Variants in KCNIP4 observed in about 807,000 individuals in gnomAD.
The protein encoded by KCNIP4 is Kv channel-interacting protein 4.
Under a neutral mutation model 34.0 loss-of-function variants are expected in KCNIP4, and 12 were observed. The ratio of observed to expected loss-of-function variants is 0.35; its 90% CI spans 0.23 to 0.57. The LOEUF is 0.57. Among genes scored for constraint, KCNIP4 ranks in the 20% least tolerant of loss-of-function variants. The probability of loss-of-function intolerance (pLI) is 0.83; values close to 1 mark genes in which losing one functional copy is unlikely to be tolerated. For missense variants in KCNIP4, 238 were observed against 311.7 expected (o/e 0.76, Z 1.78); for synonymous variants, 124 against 102.2 (o/e 1.21, Z -1.29).
At chr4:21,656,518 C>T (rs1747951821) in intron 1 of KCNIP4, 1 of 152,086 alleles carries the variant, frequency 6.6e-6, no homozygotes, top group South Asian at 2.1e-4. Context: ...GCAGTTAGTT[C>T]TCATTGAAAT....
chr4:21,618,360 T>C (rs932361792), intron 1 of KCNIP4, among the ~76,000 whole-genome samples: 3 of 152,062 alleles, frequency 2.0e-5, no homozygotes, highest in African/African-American at 7.2e-5. Context: ...GTATATAAAA[T>C]TGATAATAAG....
chr4:21,568,845 A>G (rs571906139), intron 1 of KCNIP4, among the ~76,000 whole-genome samples: 2 of 152,230 alleles, frequency 1.3e-5, no homozygotes, highest in Admixed American at 1.3e-4. Context: ...CAATTCTAAT[A>G]AAATCCTCTT....
In KCNIP4 at chr4:21,558,493, A is replaced by AAAATAAATAAATAAAT. The variant is rs138894931; in HGVS notation, c.61+390062_61+390077dup. ...GGCGGCAGAGTGAGATTCTGTCTCA[A>AAAATAAATAAATAAAT]AAATAAATAAATAAATAAATATATA... is the stretch of plus-strand genomic sequence containing the variant. On this transcript the variant is annotated intron_variant, in intron 1 of 8. Coordinates refer to ENST00000382152, the MANE Select transcript of KCNIP4 (RefSeq NM_025221.6). 8.0e-3 allele frequency among the ~76,000 whole-genome samples: 1,195 copies of AAAATAAATAAATAAAT among 149,090 alleles called. 34 individuals are homozygous for AAAATAAATAAATAAAT. The East Asian group carries it at 0.09, about 11-fold the overall frequency.
intron 1 of KCNIP4, among the ~76,000 whole-genome samples, chr4:21,136,533 T>A (rs16870439): frequency 0.047 from 7,230 of 152,306 alleles, 255 homozygotes; most frequent in East Asian, 0.14. Flanking sequence ...AACTGATTGC[T>A]AGAGGTAGAA....
intron 1 of KCNIP4, among the ~76,000 whole-genome samples, chr4:21,725,185 A>G (rs1295097756): frequency 2.0e-5 from 3 of 152,178 alleles, no homozygotes; most frequent in African/African-American, 7.2e-5. Flanking sequence ...ATTCTTCATC[A>G]AAACACAAAT....
chr4:21,533,305 C>T (rs993005458), intron 1 of KCNIP4, among the ~76,000 whole-genome samples: 3 of 152,002 alleles, frequency 2.0e-5, no homozygotes, highest in African/African-American at 7.3e-5. Flanking sequence ...GCTATTCCTG[C>T]TCTGTTTGCT....
chr4:21,725,621 G>T (rs1413675132), intron 1 of KCNIP4, among the ~76,000 whole-genome samples: 1 of 152,062 alleles, frequency 6.6e-6, no homozygotes, highest in African/African-American at 2.4e-5. Context: ...TGAAGCAAAT[G>T]ACCTTATTAT....
intron 1 of KCNIP4, among the ~76,000 whole-genome samples, chr4:21,768,896 A>G (rs13135188): frequency 0.092 from 13,978 of 152,156 alleles, 671 homozygotes; most frequent in Middle Eastern, 0.18. Flanking sequence ...TGGATACATT[A>G]CATGTAATCA....
chr4:20,797,369 C>G (rs939807560), intron 3 of KCNIP4, among the ~76,000 whole-genome samples: 13 of 152,084 alleles, frequency 8.5e-5, no homozygotes, highest in African/African-American at 2.9e-4. Context: ...AATAGTACAC[C>G]CTTGAGTCTA....
intron 1 of KCNIP4, among the ~76,000 whole-genome samples, chr4:21,670,981 T>C (rs559340513): frequency 6.6e-6 from 1 of 151,678 alleles, no homozygotes; most frequent in Non-Finnish European, 1.5e-5. Flanking sequence ...TTTTTTTAAA[T>C]TAATAACTTG....
At chr4:21,201,696 C>A (rs968577539) in intron 1 of KCNIP4, among the ~76,000 whole-genome samples, 1 of 152,158 alleles carries the variant, frequency 6.6e-6, no homozygotes, top group Admixed American at 6.5e-5. Context: ...GACAGGGTTT[C>A]ACCATGTTAG....
At chr4:21,059,793 C>A (rs865837244) in intron 1 of KCNIP4, among the ~76,000 whole-genome samples, 65 of 152,148 alleles carry the variant, frequency 4.3e-4, no homozygotes, top group African/African-American at 1.4e-3. Context: ...CTTTTCATTT[C>A]ATTCATTTAT....
intron 1 of KCNIP4, among the ~76,000 whole-genome samples, chr4:21,384,014 C>T (rs1721781614): frequency 1.3e-5 from 2 of 152,140 alleles, no homozygotes; most frequent in South Asian, 4.1e-4. Flanking sequence ...ACATGGGCTT[C>T]TTGCAGGGCC....
chr4:21,567,510 CA>C (rs1310471970), intron 1 of KCNIP4, among the ~76,000 whole-genome samples: 1 of 151,884 alleles, frequency 6.6e-6, no homozygotes, highest in African/African-American at 2.4e-5. Context: ...CAAAACAAAA[CA>C]AAAAACCTTA....
chr4:21,707,863 A>G (rs1713405115), intron 1 of KCNIP4, among the ~76,000 whole-genome samples: 1 of 151,760 alleles, frequency 6.6e-6, no homozygotes, highest in African/African-American at 2.4e-5. Flanking sequence ...TATAAGAAAA[A>G]AGGATGAGAC....
chr4:21,931,199 G>A (rs984371296), intron 1 of KCNIP4, among the ~76,000 whole-genome samples: 12 of 150,694 alleles, frequency 8.0e-5, no homozygotes, highest in Admixed American at 2.0e-4. Flanking sequence ...ACAGAAATAT[G>A]CACCTACAAT....
intron 1 of KCNIP4, among the ~76,000 whole-genome samples, chr4:21,089,820 T>C (rs1186728333): frequency 6.6e-6 from 1 of 152,140 alleles, no homozygotes; most frequent in Non-Finnish European, 1.5e-5. Context: ...ACCAGACTGA[T>C]CATTTCACAA....
intron 1 of KCNIP4, among the ~76,000 whole-genome samples, chr4:21,702,639 C>T (rs1481652061): frequency 6.6e-6 from 1 of 151,772 alleles, no homozygotes; most frequent in African/African-American, 2.4e-5. Flanking sequence ...AAACTTCAGA[C>T]CACATGGTTT....
intron 1 of KCNIP4, among the ~76,000 whole-genome samples, chr4:21,323,155 T>C (rs1235989731): frequency 1.2e-5 from 1 of 80,210 alleles, no homozygotes; most frequent in Non-Finnish European, 2.5e-5. Flanking sequence ...TATATATATA[T>C]ATATATATGT....
Sources: allele counts gnomAD v4.1 joint callset (sites outside exome capture counted in the v4.1 genomes callset), GRCh38; gene constraint gnomAD v4.1.1; transcripts MANE v1.5; gene names NCBI Gene and HGNC (gene_info 2026-07-23, HGNC 2026-07-21).